Variants in SH3GL2 observed in about 807,000 individuals in gnomAD.
SH3GL2 encodes SH3 domain containing GRB2 like 2, endophilin A1.
A neutral mutation model predicts 46.0 loss-of-function variants in SH3GL2; 24 were observed. The ratio of observed to expected loss-of-function variants is 0.52; its 90% CI spans 0.38 to 0.73. The LOEUF (loss-of-function observed/expected upper bound fraction) is 0.73. Among genes scored for constraint, SH3GL2 ranks in the 30% least tolerant of loss-of-function variants. The pLI is 0.00. For missense variants in SH3GL2, 413 were observed against 424.2 expected, an observed-to-expected ratio of 0.97 and a Z score of 0.23; for synonymous variants, 196 against 147.1, an observed-to-expected ratio of 1.33 and a Z score of -2.40.
intron 2 of SH3GL2, among the ~76,000 whole-genome samples, chr9:17,751,779 C>G (rs1201102795): frequency 6.6e-6 from 1 of 152,034 alleles, no homozygotes; most frequent in Non-Finnish European, 1.5e-5. Flanking sequence ...AACACGTATC[C>G]CTGAGTGCAC....
At position 17,725,988 on chromosome 9, in the gene SH3GL2, G is replaced by A. The variant is rs148696760; in HGVS notation, c.46-21078G>A. Among the ~76,000 whole-genome samples the A allele has an allele frequency of 1.8e-3, 273 of 152,104 alleles. 6 individuals carry two copies. The East Asian group carries it at 0.027, about 15-fold the overall frequency. ...GCAGTAGGGGTGTAGGGAGGGTATG[G>A]GAGCAAGTCATTGCTCCAGTGCCAC... On this transcript the variant is annotated intron_variant, in intron 1 of 8. Coordinates refer to ENST00000380607, the MANE Select transcript of SH3GL2 (RefSeq NM_003026.5).
intron 1 of SH3GL2, among the ~76,000 whole-genome samples, chr9:17,733,458 A>G: frequency 6.6e-6 from 1 of 151,846 alleles, no homozygotes. Flanking sequence ...ATCATTAAAA[A>G]GTCAGGAAAC....
At chr9:17,645,935 G>T (rs1819805276) in intron 1 of SH3GL2, among the ~76,000 whole-genome samples, 1 of 152,044 alleles carries the variant, frequency 6.6e-6, no homozygotes, top group Non-Finnish European at 1.5e-5. Flanking sequence ...CTAGGTTGGG[G>T]AAGTTCTCCT....
Position 17,623,002 on chromosome 9 carries a change from T to TTCCG in SH3GL2, c.45+43716_45+43717insCCGT, listed in dbSNP as rs1563786474. Among the ~76,000 whole-genome samples the TTCCG allele has an allele frequency of 7.6e-4, 32 of 41,910 alleles. 1 individual carries two copies. Among genetic ancestry groups the TTCCG allele is most frequent in the African/African-American group, 2.3e-3 (29 of 12,444 alleles). The allele number at this position is 41,910 out of a possible 152,430, so 27.5% of individuals were successfully genotyped here. ...TTTCCTTTCGTTTCCTTTCCTTTCCTTTCCTTTCCTTTCCTTTCCTTTCCT... is the reference window on the plus strand; with the variant it reads ...TTTCCTTTCGTTTCCTTTCCTTTCCTTCCGTTCCTTTCCTTTCCTTTCCTTTCCT... On this transcript the variant is annotated intron_variant, in intron 1 of 8. Coordinates refer to ENST00000380607, the MANE Select transcript of SH3GL2 (RefSeq NM_003026.5).
chr9:17,671,739 C>G (rs746651155), intron 1 of SH3GL2, among the ~76,000 whole-genome samples: 1 of 152,194 alleles, frequency 6.6e-6, no homozygotes, highest in Admixed American at 6.5e-5. Context: ...ACATAATTAA[C>G]TGTGTTGAAA....
intron 1 of SH3GL2, among the ~76,000 whole-genome samples, chr9:17,638,777 A>G (rs2134638990): frequency 6.6e-6 from 1 of 152,308 alleles, no homozygotes; most frequent in Admixed American, 6.5e-5. Context: ...TCTCCTCAAC[A>G]GAGGGTCCTT....
chr9:17,738,673 G>T (rs187385347), intron 1 of SH3GL2, among the ~76,000 whole-genome samples: 20 of 145,024 alleles, frequency 1.4e-4, no homozygotes, highest in African/African-American at 4.4e-4. Flanking sequence ...GAGAGAGAGA[G>T]ATAATTTTAT....
At chr9:17,641,893 A>G (rs149904392) in intron 1 of SH3GL2, among the ~76,000 whole-genome samples, 2,671 of 152,290 alleles carry the variant, frequency 0.018, 69 homozygotes, top group African/African-American at 0.061. Context: ...TAATGCTGCA[A>G]TAAACATACG....
chr9:17,790,634 T>C (rs1255675549), intron 6 of SH3GL2, among the ~76,000 whole-genome samples: 2 of 152,188 alleles, frequency 1.3e-5, no homozygotes, highest in African/African-American at 4.8e-5. Context: ...TGGAGGCTGC[T>C]ACCCAGCTGG....
chr9:17,684,357 A>G (rs1244265910), intron 1 of SH3GL2, among the ~76,000 whole-genome samples: 1 of 152,114 alleles, frequency 6.6e-6, no homozygotes, highest in Non-Finnish European at 1.5e-5. Flanking sequence ...TAATCAGTAT[A>G]TTTGAAGATT....
At chr9:17,756,093 G>A (rs748293633) in intron 2 of SH3GL2, among the ~76,000 whole-genome samples, 2 of 152,206 alleles carry the variant, frequency 1.3e-5, no homozygotes, top group African/African-American at 2.4e-5. Flanking sequence ...AAACACAAAA[G>A]CGTCCATTGA....
At chr9:17,667,742 C>G (rs1350575164) in intron 1 of SH3GL2, among the ~76,000 whole-genome samples, 4 of 152,106 alleles carry the variant, frequency 2.6e-5, no homozygotes, top group African/African-American at 9.7e-5. Flanking sequence ...GACTGTTTTC[C>G]AAAGCAGTTG....
At chr9:17,615,445 G>A (rs577750164) in intron 1 of SH3GL2, among the ~76,000 whole-genome samples, 54 of 151,964 alleles carry the variant, frequency 3.6e-4, no homozygotes, top group African/African-American at 1.1e-3. Context: ...TCACGAGGCC[G>A]GGAGATTGAG....
Position 17,657,145 on chromosome 9 carries a change from T to G in SH3GL2, c.45+77858T>G, listed in dbSNP as rs141996507. Among the ~76,000 whole-genome samples, 201 of 152,342 alleles carry G rather than the reference T, an allele frequency of 1.3e-3. 3 individuals are homozygous for G. Among genetic ancestry groups the G allele is most frequent in the African/African-American group, 4.2e-3 (175 of 41,584 alleles). ...GAAAAGCTCATACACACTGAATTACTTCTTCAGTTTAACTTTTTTTGTGCC... is the reference window on the plus strand; with the variant it reads ...GAAAAGCTCATACACACTGAATTACGTCTTCAGTTTAACTTTTTTTGTGCC... On this transcript the variant is annotated intron_variant, in intron 1 of 8. Coordinates refer to ENST00000380607, the MANE Select transcript of SH3GL2 (RefSeq NM_003026.5).
chr9:17,787,371 C>T lies in SH3GL2; in HGVS notation c.332-9C>T. On this transcript the variant is annotated splice_polypyrimidine_tract_variant and intron_variant, in intron 4 of 8. Coordinates refer to ENST00000380607, the MANE Select transcript of SH3GL2 (RefSeq NM_003026.5). ...TTCTGTAACATGAAAGAGCTTTATT[C>T]TCTCCTAGGCCCAGCACTTGGTGAG... 2.5e-6 allele frequency: 4 copies of T among 1,607,734 alleles called. No homozygotes were observed. Among genetic ancestry groups the T allele is most frequent in the Non-Finnish European group, 3.4e-6 (4 of 1,177,352 alleles).
At chr9:17,754,028 G>A (rs965594860) in intron 2 of SH3GL2, among the ~76,000 whole-genome samples, 3 of 152,110 alleles carry the variant, frequency 2.0e-5, no homozygotes, top group African/African-American at 7.2e-5. Context: ...ATTCTATTCT[G>A]TTGGTTTATG....
At chr9:17,735,663 T>C (rs1219439613) in intron 1 of SH3GL2, 14 of 406,910 alleles carry the variant, frequency 3.4e-5, no homozygotes, top group Non-Finnish European at 4.3e-5. Context: ...ACACAGGGGT[T>C]CTAGGTTCTA....
At chr9:17,715,591 C>T (rs182325782) in intron 1 of SH3GL2, among the ~76,000 whole-genome samples, 1 of 151,852 alleles carries the variant, frequency 6.6e-6, no homozygotes, top group East Asian at 1.9e-4. Context: ...CCTGCAAGAC[C>T]TCCCGTGGTT....
intron 1 of SH3GL2, among the ~76,000 whole-genome samples, chr9:17,581,632 G>C (rs761541238): frequency 5.9e-5 from 9 of 152,106 alleles, no homozygotes; most frequent in Non-Finnish European, 1.0e-4. Flanking sequence ...AGAAGCTTTA[G>C]ACCTAGAATT....
Sources: gnomAD v4.1 joint callset for allele counts (sites outside exome capture counted in the v4.1 genomes callset) on GRCh38, gnomAD v4.1.1 for gene constraint, MANE v1.5 for transcripts, NCBI Gene and HGNC (gene_info 2026-07-23, HGNC 2026-07-21) for gene names.